Variants in TIAM1 observed in about 807,000 individuals in gnomAD.
TIAM1 encodes rho guanine nucleotide exchange factor TIAM1.
TIAM1 carries 65 observed loss-of-function variants against 163.5 expected under a neutral mutation model. The ratio of observed to expected loss-of-function variants is 0.40; its 90% CI spans 0.33 to 0.49. The LOEUF is 0.49. Among genes scored for constraint, TIAM1 ranks in the 20% least tolerant of loss-of-function variants. The pLI, the probability that TIAM1 is intolerant of heterozygous loss-of-function variation, is 0.77. For synonymous variants in TIAM1, 833 were observed against 810.1 expected (o/e 1.03, Z -0.48); for missense variants, 1,789 against 2,044.7 (o/e 0.87, Z 2.41).
intron 1 of TIAM1, among the ~76,000 whole-genome samples, chr21:31,557,944 G>A (rs2123347232): frequency 6.6e-6 from 1 of 152,222 alleles, no homozygotes; most frequent in African/African-American, 2.4e-5. Flanking sequence ...CGCCGTGCGC[G>A]GCGGGGGCTG....
intron 2 of TIAM1, among the ~76,000 whole-genome samples, chr21:31,368,763 G>A (rs1022990296): frequency 1.3e-5 from 2 of 152,144 alleles, no homozygotes; most frequent in Admixed American, 1.3e-4. Context: ...GCAGCAGGGG[G>A]AAATATGGCA....
chr21:31,317,930 A>G (rs927872525), intron 2 of TIAM1, among the ~76,000 whole-genome samples: 1 of 152,230 alleles, frequency 6.6e-6, no homozygotes, highest in African/African-American at 2.4e-5. Flanking sequence ...CCAACACAGC[A>G]GAGAAGTTCC....
chr21:31,317,556 G>A (rs2075169926), intron 2 of TIAM1, among the ~76,000 whole-genome samples: 1 of 152,254 alleles, frequency 6.6e-6, no homozygotes, highest in African/African-American at 2.4e-5. Context: ...GAAGTGGGTG[G>A]ATGACCTGAG....
At chr21:31,401,686 G>C (rs998277166) in intron 2 of TIAM1, among the ~76,000 whole-genome samples, 1 of 152,082 alleles carries the variant, frequency 6.6e-6, no homozygotes, top group African/African-American at 2.4e-5. Flanking sequence ...ACTTTGAAAG[G>C]CTGAGGCTAA....
Position 31,118,418 on chromosome 21 carries a change from C to A in TIAM1, c.*1950G>T, listed in dbSNP as rs553912321. 8.5e-6 allele frequency: 3 copies of A among 354,010 alleles called. No homozygotes were observed. In the Admixed American group the frequency reaches 1.2e-4, roughly 14 times the overall value. 21.9% of individuals were successfully genotyped at this position (354,010 alleles called of 1,614,324 possible). A position where few individuals can be genotyped will look rare whatever the true frequency, so the allele number is the denominator to read the frequency against. On this transcript the variant is annotated 3_prime_UTR_variant, in exon 28 of 28. Transcript: ENST00000541036. ...CCAAAAAGGCATAGAACCGCCCAGA[C>A]ACTTTTCGTTATTTTTATTGTTTGA...
intron 2 of TIAM1, among the ~76,000 whole-genome samples, chr21:31,287,812 G>A (rs144356208): frequency 1.5e-3 from 222 of 152,302 alleles, no homozygotes; most frequent in Non-Finnish European, 1.4e-3. Flanking sequence ...GGGATTACAC[G>A]ATGAGATTTT....
intron 23 of TIAM1, among the ~76,000 whole-genome samples, chr21:31,134,973 T>A (rs1397386610): frequency 6.6e-6 from 1 of 152,160 alleles, no homozygotes. Context: ...GACATTCCAT[T>A]TGGGGATACT....
intron 2 of TIAM1, among the ~76,000 whole-genome samples, chr21:31,293,987 G>A (rs1005526989): frequency 3.3e-5 from 5 of 152,130 alleles, no homozygotes; most frequent in Non-Finnish European, 7.3e-5. Context: ...GAGGTCCTGG[G>A]TACATAAGCT....
intron 1 of TIAM1, among the ~76,000 whole-genome samples, chr21:31,471,823 T>C (rs977668502): frequency 6.6e-6 from 1 of 151,612 alleles, no homozygotes; most frequent in Non-Finnish European, 1.5e-5. Flanking sequence ...AAGCTGAGAT[T>C]GCGCCATTGC....
chr21:31,183,644 A>G (rs1026462908), intron 14 of TIAM1, among the ~76,000 whole-genome samples: 22 of 152,162 alleles, frequency 1.4e-4, no homozygotes, highest in African/African-American at 5.3e-4. Flanking sequence ...CCAGCTTCAC[A>G]GAGTCACATG....
chr21:31,142,608 G>A (rs1164482208), intron 20 of TIAM1, among the ~76,000 whole-genome samples: 6 of 144,936 alleles, frequency 4.1e-5, no homozygotes, highest in African/African-American at 1.3e-4. Context: ...TCCAGCCTGA[G>A]TGACAGAGGG....
At chr21:31,412,683 G>A (rs1386231042) in intron 2 of TIAM1, among the ~76,000 whole-genome samples, 1 of 151,150 alleles carries the variant, frequency 6.6e-6, no homozygotes, top group African/African-American at 2.4e-5. Flanking sequence ...TTGGGAGGCT[G>A]AGGAAGGAGA....
intron 4 of TIAM1, among the ~76,000 whole-genome samples, chr21:31,255,120 A>C: frequency 6.6e-6 from 1 of 152,226 alleles, no homozygotes; most frequent in African/African-American, 2.4e-5. Flanking sequence ...AAACCAAGCA[A>C]GGAAGTGATT....
chr21:31,182,015 C>T (rs374714561), intron 15 of TIAM1, among the ~76,000 whole-genome samples: 60 of 151,030 alleles, frequency 4.0e-4, no homozygotes, highest in African/African-American at 1.3e-3. Flanking sequence ...AACTCCTGAC[C>T]TCAAGGTATC....
At chr21:31,550,366 T>G (rs993392109) in intron 1 of TIAM1, among the ~76,000 whole-genome samples, 26 of 151,806 alleles carry the variant, frequency 1.7e-4, no homozygotes, top group African/African-American at 6.3e-4. Flanking sequence ...TGATGCTAAA[T>G]GAAAGAAGCC....
Position 31,120,811 on chromosome 21 carries a change from T to G in TIAM1, c.4333A>C (p.Arg1445=). 6.2e-7 allele frequency: 1 copy of G among 1,612,824 alleles called. No homozygotes were observed. Among genetic ancestry groups the G allele is most frequent in the Non-Finnish European group, 8.5e-7 (1 of 1,179,572 alleles). ...AVSAPSKSLG[R]RRRRLARNRF... ...TTTCGAGCCAGCCGCCGCCTCCTCC[T>G]CCCAAGAGACTTGCTTGGGGCAGAC... is the stretch of plus-strand genomic sequence containing the variant. The change falls in exon 28 of 28, where the codon AGG becomes CGG. Residue 1445 remains arginine (R), a synonymous_variant. Coordinates refer to ENST00000541036, the MANE Select transcript of TIAM1 (RefSeq NM_001353694.2). This position sits in a 1 kb window ranked among gnomAD's most constrained non-coding sequence, Gnocchi z 4.2.
chr21:31,276,187 G>A (rs1474183585), intron 3 of TIAM1, among the ~76,000 whole-genome samples: 1 of 152,010 alleles, frequency 6.6e-6, no homozygotes, highest in African/African-American at 2.4e-5. Context: ...AAATTGAGAC[G>A]AAGTTCTGAA....
chr21:31,549,546 G>A (rs906322950), intron 1 of TIAM1, among the ~76,000 whole-genome samples: 3 of 152,138 alleles, frequency 2.0e-5, no homozygotes, highest in Non-Finnish European at 2.9e-5. Flanking sequence ...TAGCCTACAA[G>A]CACATGAAAC....
chr21:31,328,532 G>A (rs1301608482), intron 2 of TIAM1, among the ~76,000 whole-genome samples: 2 of 151,706 alleles, frequency 1.3e-5, no homozygotes, highest in African/African-American at 4.9e-5. Context: ...CACCACGACT[G>A]GCTTATTATT....
Sources: gnomAD v4.1 joint callset for allele counts (sites outside exome capture counted in the v4.1 genomes callset) on GRCh38, gnomAD v4.1.1 for gene constraint, Gnocchi (gnomAD v3.1) non-coding constraint, MANE v1.5 for transcripts, NCBI Gene and HGNC (gene_info 2026-07-23, HGNC 2026-07-21) for gene names.